Variants in DIAPH2 observed in about 807,000 individuals in gnomAD.
DIAPH2 encodes protein diaphanous homolog 2.
A neutral mutation model predicts 92.7 loss-of-function variants in DIAPH2; 35 were observed. That is an observed-to-expected ratio of 0.38 (90% CI 0.29 to 0.50). DIAPH2 has a LOEUF of 0.50. Ranked by LOEUF, DIAPH2 falls within the 20% of genes least tolerant of loss-of-function variation. The pLI is 0.94. For synonymous variants in DIAPH2, 301 were observed against 280.4 expected (o/e 1.07, Z -0.73); for missense variants, 701 against 819.5 (o/e 0.86, Z 1.77).
chrX:97,400,227 T>C (rs1475755491), intron 25 of DIAPH2, among the ~76,000 whole-genome samples: 1 of 112,508 alleles, frequency 8.9e-6, no homozygotes, highest in Non-Finnish European at 1.9e-5. Flanking sequence ...TTACAGTATA[T>C]ATAATGTATG....
intron 17 of DIAPH2, among the ~76,000 whole-genome samples, chrX:96,974,608 A>G (rs2065948936): frequency 8.9e-6 from 1 of 111,899 alleles, no homozygotes; most frequent in Non-Finnish European, 1.9e-5. Context: ...CATGAAATAT[A>G]TATGTTAGAA....
Position 97,269,745 on chromosome X carries a change from A to ATT in DIAPH2, c.2844+21910_2844+21911dup, listed in dbSNP as rs199849674. 6.6e-3 allele frequency among the ~76,000 whole-genome samples: 693 copies of ATT among 104,523 alleles called. 12 individuals are homozygous for ATT. Among genetic ancestry groups the ATT allele is most frequent in the African/African-American group, 0.024 (654 of 26,806 alleles). The allele number at this position is 104,523 out of a possible 115,157, so 90.8% of individuals were successfully genotyped here. On this transcript the variant is annotated intron_variant, in intron 23 of 26. Transcript: ENST00000324765. ...ATAAAGACACAATGAAGGAGATACT[A>ATT]TTTTTATTTTTTTTTTTTTTTTTTG...
chrX:97,288,753 A>C (rs1452676566), intron 23 of DIAPH2, among the ~76,000 whole-genome samples: 2 of 109,132 alleles, frequency 1.8e-5, no homozygotes, highest in Admixed American at 9.9e-5. Flanking sequence ...AAAAAAAAAA[A>C]AAAACACCGA....
At chrX:97,054,244 A>G (rs2066540400) in intron 17 of DIAPH2, among the ~76,000 whole-genome samples, 2 of 112,139 alleles carry the variant, frequency 1.8e-5, no homozygotes, top group African/African-American at 6.5e-5. Context: ...TAACATGTAT[A>G]ATTTAAGAAT....
Position 96,948,942 on chromosome X carries a change from A to G in DIAPH2, c.1517A>G (p.Glu506Gly). The change falls in exon 15 of 27, where the codon GAA becomes GGA. Residue 506 changes from glutamate to glycine, a missense_variant. Coordinates refer to ENST00000324765, the MANE Select transcript of DIAPH2 (RefSeq NM_006729.5). ...TGATGGTGATCATTGCAGTTCGATG[A>G]AGAATTCACAGCTCGACAGGAAGCT... The part of the protein sequence containing the change: ...KAAEFSKKFD[E>G]EFTARQEAQA... 8.4e-7 allele frequency: 1 copy of G among 1,187,725 alleles called. No homozygotes were observed. The highest frequency in any genetic ancestry group is 1.1e-6 in the Non-Finnish European group (1 of 880,198).
chrX:97,002,185 G>A (rs1371911833), intron 17 of DIAPH2, among the ~76,000 whole-genome samples: 1 of 110,726 alleles, frequency 9.0e-6, no homozygotes, highest in African/African-American at 3.3e-5. Flanking sequence ...GATTAACTGT[G>A]TGTATTTAAG....
chrX:97,245,924 C>T (rs1406322962), intron 22 of DIAPH2, among the ~76,000 whole-genome samples: 2 of 100,324 alleles, frequency 2.0e-5, no homozygotes, highest in Non-Finnish European at 4.0e-5. Flanking sequence ...TTTTTTGAGA[C>T]GGAATTTCAT....
chrX:97,087,609 G>A (rs1326827799), intron 19 of DIAPH2, among the ~76,000 whole-genome samples: 1 of 111,435 alleles, frequency 9.0e-6, no homozygotes, highest in Non-Finnish European at 1.9e-5. Flanking sequence ...TAGAAGGGGG[G>A]AAATGTATAC....
chrX:96,823,859 T>A (rs1311356793), intron 4 of DIAPH2, among the ~76,000 whole-genome samples: 1 of 109,635 alleles, frequency 9.1e-6, no homozygotes, highest in Non-Finnish European at 1.9e-5. Context: ...GCCACAGCAA[T>A]TCTTTTAGTT....
chrX:96,925,472 A>G (rs1272351715), intron 9 of DIAPH2, among the ~76,000 whole-genome samples: 1 of 111,041 alleles, frequency 9.0e-6, no homozygotes, highest in Non-Finnish European at 1.9e-5. Context: ...TCGACATGGT[A>G]TCCTTCTCTC....
intron 26 of DIAPH2, among the ~76,000 whole-genome samples, chrX:97,474,165 G>A (rs1278522590): frequency 1.8e-5 from 2 of 112,022 alleles, no homozygotes; most frequent in Non-Finnish European, 3.8e-5. Context: ...ACCCTTTACA[G>A]GGAAAGTTTG....
rs748727069 is a variant in DIAPH2 at position 97,517,747 on chromosome X, A to T, written c.3242-81506A>T. ...GATTTTAAAAAATCTATTTACAAACATCATCTTCACATTCCTCTAGCCCTG... is the reference window on the plus strand; with the variant it reads ...GATTTTAAAAAATCTATTTACAAACTTCATCTTCACATTCCTCTAGCCCTG... On this transcript the variant is annotated intron_variant, in intron 26 of 26. Transcript: ENST00000324765. Among the ~76,000 whole-genome samples the T allele has an allele frequency of 1.2e-4, 14 of 112,470 alleles. No individual in the cohort carries two copies. In the South Asian group the frequency reaches 5.2e-3, roughly 42 times the overall value.
At chrX:97,246,374 G>T (rs1226847589) in intron 22 of DIAPH2, among the ~76,000 whole-genome samples, 1 of 112,128 alleles carries the variant, frequency 8.9e-6, no homozygotes, top group Non-Finnish European at 1.9e-5. Flanking sequence ...AATGATTGGT[G>T]AACCATTAGC....
At chrX:97,393,144 G>C (rs1431600467) in intron 25 of DIAPH2, among the ~76,000 whole-genome samples, 13 of 111,081 alleles carry the variant, frequency 1.2e-4, no homozygotes, top group Admixed American at 8.7e-4. Context: ...AGCTGGAAAA[G>C]AACAGTGAAA....
intron 21 of DIAPH2, among the ~76,000 whole-genome samples, chrX:97,135,938 G>A (rs187554440): frequency 4.1e-4 from 46 of 111,902 alleles, no homozygotes; most frequent in East Asian, 3.7e-3. Context: ...AAGTAAATGG[G>A]TAGAAATCTT....
At chrX:97,545,256 T>A (rs965803036) in intron 26 of DIAPH2, among the ~76,000 whole-genome samples, 1 of 111,064 alleles carries the variant, frequency 9.0e-6, no homozygotes, top group African/African-American at 3.3e-5. Context: ...AATCCAAAGC[T>A]ATTTCTCCTT....
chrX:97,168,217 C>A (rs951069613), intron 22 of DIAPH2, among the ~76,000 whole-genome samples: 2 of 108,990 alleles, frequency 1.8e-5, no homozygotes, highest in African/African-American at 6.7e-5. Flanking sequence ...CCCGCTGTAG[C>A]TGGGATTACA....
intron 23 of DIAPH2, among the ~76,000 whole-genome samples, chrX:97,255,119 C>T (rs994755688): frequency 2.7e-5 from 3 of 111,458 alleles, no homozygotes; most frequent in Admixed American, 9.6e-5. Flanking sequence ...TTGGTCTTTC[C>T]GACATTAAAC....
intron 17 of DIAPH2, among the ~76,000 whole-genome samples, chrX:97,071,900 A>G (rs1437184756): frequency 1.8e-5 from 2 of 112,222 alleles, no homozygotes; most frequent in Non-Finnish European, 3.8e-5. Context: ...ATAAAGCAGC[A>G]GCATGATTAT....
Sources: allele counts gnomAD v4.1 joint callset (sites outside exome capture counted in the v4.1 genomes callset), GRCh38; gene constraint gnomAD v4.1.1; transcripts MANE v1.5; gene names NCBI Gene and HGNC (gene_info 2026-07-23, HGNC 2026-07-21).